PKD1L1: variants seen among roughly 807,000 people sequenced by gnomAD.
PKD1L1 encodes polycystin 1 like 1, transient receptor potential channel interacting, also known as polycystin-1-like protein 1.
A neutral mutation model predicts 323.4 loss-of-function variants in PKD1L1; 236 were observed. The ratio of observed to expected loss-of-function variants is 0.73; its 90% CI spans 0.66 to 0.81. The LOEUF is 0.81. Among genes scored for constraint, PKD1L1 ranks in the 40% least tolerant of loss-of-function variants. The pLI is 0.00. For missense variants in PKD1L1, 3,320 were observed against 3,508.0 expected (o/e 0.95, Z 1.35); for synonymous variants, 1,344 against 1,335.0 (o/e 1.01, Z -0.15).
intron 23 of PKD1L1, among the ~76,000 whole-genome samples, chr7:47,874,270 C>T (rs898812626): frequency 2.0e-5 from 3 of 152,086 alleles, no homozygotes; most frequent in Admixed American, 6.6e-5. Context: ...AGAATTCTGA[C>T]AGAGGGGACT....
rs751297613 is a variant in PKD1L1 at position 47,885,731 on chromosome 7, A to T, written c.3160T>A (p.Ser1054Thr). 2 of 1,614,080 alleles carry T rather than the reference A, an allele frequency of 1.2e-6. No individual in the cohort carries two copies. Among genetic ancestry groups the T allele is most frequent in the Admixed American group, 3.3e-5 (2 of 60,016 alleles). ...QSKGSLMTGRSERSQPTHSPD... is the reference protein window; with the variant it reads ...QSKGSLMTGRTERSQPTHSPD... ...CTGTGGGTGGGCTGACTTCTCTCAG[A>T]GCGGCCAGTCATCAGGGATCCCTTG... is the stretch of plus-strand genomic sequence containing the variant. Residue 1054 changes from serine to threonine, a missense_variant, in exon 18 of 57, where the codon TCT (serine) becomes ACT (threonine). Transcript: ENST00000289672.
chr7:47,919,678 G>A (rs1487048158), intron 7 of PKD1L1, among the ~76,000 whole-genome samples: 1 of 152,096 alleles, frequency 6.6e-6, no homozygotes, highest in African/African-American at 2.4e-5. Flanking sequence ...ATAATCAAGT[G>A]GGTTTCATAC....
chr7:47,942,509 T>C (rs1024975207), intron 2 of PKD1L1, among the ~76,000 whole-genome samples: 1 of 152,148 alleles, frequency 6.6e-6, no homozygotes, highest in Non-Finnish European at 1.5e-5. Context: ...AAATTTAATT[T>C]TAAAAATCCG....
intron 26 of PKD1L1, among the ~76,000 whole-genome samples, chr7:47,861,316 G>T (rs1786017524): frequency 6.6e-6 from 1 of 152,168 alleles, no homozygotes; most frequent in African/African-American, 2.4e-5. Context: ...TAAAAACAAA[G>T]TCACGTACAA....
At chr7:47,811,292 T>C (rs1034568243) in intron 50 of PKD1L1, among the ~76,000 whole-genome samples, 1 of 152,018 alleles carries the variant, frequency 6.6e-6, no homozygotes, top group African/African-American at 2.4e-5. Flanking sequence ...GTAGTTGGGA[T>C]TACAGGTGCA....
rs552208686 is a variant in PKD1L1 at position 47,901,090 on chromosome 7, A to G, written c.2064+1289T>C. ...CAGGGTCCTTCAGGTCCATAATCCC[A>G]GAACTCTGGGAGGCCAAGGCAGGTG... On this transcript the variant is annotated intron_variant, in intron 13 of 56. Coordinates refer to ENST00000289672, the MANE Select transcript of PKD1L1 (RefSeq NM_138295.5). Among the ~76,000 whole-genome samples the G allele has an allele frequency of 2.5e-4, 38 of 152,272 alleles. No individual in the cohort carries two copies. The South Asian group carries it at 7.5e-3, about 30-fold the overall frequency.
chr7:47,820,955 G>C, intron 46 of PKD1L1, 121 bp downstream of exon 46: 1 of 620,270 alleles, frequency 1.6e-6, no homozygotes, highest in South Asian at 2.4e-5. Flanking sequence ...ATTACTACCA[G>C]GGAAATGGTG....
At chr7:47,860,308 G>A (rs369579843) in intron 26 of PKD1L1, among the ~76,000 whole-genome samples, 1 of 152,146 alleles carries the variant, frequency 6.6e-6, no homozygotes, top group African/African-American at 2.4e-5. Context: ...TCTTCTGATC[G>A]TAGGACTAAG....
Position 47,948,388 on chromosome 7 carries a change from A to T in PKD1L1, c.44+9T>A, listed in dbSNP as rs142601530. ...CTTACCAAACCCTCTGAGAACAGTG[A>T]TAACTCACCTTTCCTGGTCATCAGA... On this transcript the variant is annotated intron_variant, in intron 1 of 56. Coordinates refer to ENST00000289672, the MANE Select transcript of PKD1L1 (RefSeq NM_138295.5). 1.2e-6 allele frequency: 2 copies of T among 1,614,014 alleles called. No individual in the cohort carries two copies. The highest frequency in any genetic ancestry group is 1.7e-6 in the Non-Finnish European group (2 of 1,180,006).
intron 53 of PKD1L1, among the ~76,000 whole-genome samples, chr7:47,801,495 T>C (rs1784661181): frequency 1.3e-5 from 2 of 152,310 alleles, no homozygotes; most frequent in South Asian, 2.1e-4. Flanking sequence ...AGCCTGGATG[T>C]CAGACCATCA....
intron 26 of PKD1L1, among the ~76,000 whole-genome samples, chr7:47,862,320 A>C (rs1003802535): frequency 6.6e-6 from 1 of 152,190 alleles, no homozygotes; most frequent in Non-Finnish European, 1.5e-5. Context: ...GAGGTGAATG[A>C]TGATGCCCTC....
chr7:47,942,155 C>T (rs1176631480), intron 2 of PKD1L1, among the ~76,000 whole-genome samples: 1 of 152,162 alleles, frequency 6.6e-6, no homozygotes, highest in East Asian at 1.9e-4. Flanking sequence ...GTTTTCTCGT[C>T]TTCCCTGCTA....
At chr7:47,824,752 G>A (rs1402309909) in intron 45 of PKD1L1, among the ~76,000 whole-genome samples, 3 of 152,110 alleles carry the variant, frequency 2.0e-5, no homozygotes, top group Admixed American at 1.3e-4. Flanking sequence ...CTCCTGCAGC[G>A]AATCCTGCAG....
chr7:47,915,588 G>GAAAAAAAAAAAAAAA lies in PKD1L1; in HGVS notation c.1071_1072insTTTTTTTTTTTTTTT (p.Phe357_His358insPhePhePhePhePhe). On this transcript the variant is annotated inframe_insertion, in exon 8 of 57. Transcript: ENST00000289672. ...ATATCCAACTGAAAATGTAAAAGAT[G>GAAAAAAAAAAAAAAA]AAAAAAAATACCTATAAAAGCAAAA... 6.7e-7 allele frequency: 1 copy of GAAAAAAAAAAAAAAA among 1,493,144 alleles called. No individual in the cohort carries two copies. The highest frequency in any genetic ancestry group is 2.0e-5 in the Admixed American group (1 of 49,382). 92.5% of individuals were successfully genotyped at this position (1,493,144 alleles called of 1,614,324 possible).
chr7:47,929,835 C>G (rs1200325620), intron 6 of PKD1L1, among the ~76,000 whole-genome samples: 1 of 152,194 alleles, frequency 6.6e-6, no homozygotes, highest in African/African-American at 2.4e-5. Flanking sequence ...ACTGCTCTAG[C>G]TACATTAGTA....
At chr7:47,806,982 G>A (rs985565884) in intron 52 of PKD1L1, among the ~76,000 whole-genome samples, 3 of 151,922 alleles carry the variant, frequency 2.0e-5, no homozygotes, top group Non-Finnish European at 2.9e-5. Flanking sequence ...ATTCTGTCGG[G>A]ACACACACAG....
rs1055275554 is a variant in PKD1L1 at position 47,932,073 on chromosome 7, G to A, written c.399-17C>T. 6.3e-7 allele frequency: 1 copy of A among 1,589,654 alleles called. No individual in the cohort carries two copies. Among genetic ancestry groups the A allele is most frequent in the Non-Finnish European group, 8.6e-7 (1 of 1,167,408 alleles). On this transcript the variant is annotated splice_polypyrimidine_tract_variant and intron_variant, in intron 4 of 56. Transcript: ENST00000289672. ...TGGGGAATTCTGTATGGGAAGGAAA[G>A]TGCAGAAAGAAAAGGAAACCCGGTC...
At chr7:47,937,356 G>A (rs1787891664) in intron 3 of PKD1L1, among the ~76,000 whole-genome samples, 1 of 152,020 alleles carries the variant, frequency 6.6e-6, no homozygotes, top group African/African-American at 2.4e-5. Flanking sequence ...GGAATGCAGA[G>A]CTATGCCGAA....
intron 56 of PKD1L1, among the ~76,000 whole-genome samples, chr7:47,779,856 G>C (rs571021544): frequency 6.6e-6 from 1 of 152,300 alleles, no homozygotes; most frequent in East Asian, 1.9e-4. Context: ...GATAAACCAT[G>C]GGCTGGGTGG....
Sources: gnomAD v4.1 joint callset for allele counts (sites outside exome capture counted in the v4.1 genomes callset) on GRCh38, gnomAD v4.1.1 for gene constraint, MANE v1.5 for transcripts, NCBI Gene and HGNC (gene_info 2026-07-23, HGNC 2026-07-21) for gene names.